ZBTB20: variants seen among roughly 807,000 people sequenced by gnomAD.
ZBTB20 encodes zinc finger and BTB domain containing 20, also known as zinc finger and BTB domain-containing protein 20.
In ZBTB20, 9 loss-of-function variants were observed where a neutral mutation model predicts 56.9. The ratio of observed to expected loss-of-function variants is 0.16; its 90% CI spans 0.10 to 0.28. The LOEUF is 0.28. Among genes scored for constraint, ZBTB20 ranks in the 10% least tolerant of loss-of-function variants. ZBTB20 has a pLI of 1.00. For missense variants in ZBTB20, 655 were observed against 1,003.0 expected (o/e 0.65, Z 4.69); for synonymous variants, 417 against 420.7 (o/e 0.99, Z 0.11).
chr3:114,367,780 GA>G (rs5851923), intron 10 of ZBTB20, among the ~76,000 whole-genome samples: 9 of 150,378 alleles, frequency 6.0e-5, no homozygotes, highest in African/African-American at 1.2e-4. Flanking sequence ...TCATTTTTAG[GA>G]AAAAAAAACA....
At chr3:114,756,299 A>G (rs1442660626) in intron 5 of ZBTB20, among the ~76,000 whole-genome samples, 1 of 152,192 alleles carries the variant, frequency 6.6e-6, no homozygotes, top group Non-Finnish European at 1.5e-5. Context: ...ACTTGACTGC[A>G]GCACTTCCAT....
intron 4 of ZBTB20, among the ~76,000 whole-genome samples, chr3:114,846,086 T>C (rs1475945596): frequency 6.6e-6 from 1 of 152,168 alleles, no homozygotes; most frequent in Non-Finnish European, 1.5e-5. Context: ...GAGATATGTA[T>C]GTTAGAGACA....
At chr3:115,068,402 GAC>G (rs1466806618) in intron 2 of ZBTB20, among the ~76,000 whole-genome samples, 1 of 151,942 alleles carries the variant, frequency 6.6e-6, no homozygotes, top group African/African-American at 2.4e-5. Flanking sequence ...ACAAAATGAT[GAC>G]ACACAGCAGA....
In ZBTB20 at chr3:114,633,378, T is replaced by G. The variant is rs528388476; in HGVS notation, c.-295+60150A>C. ...TGTATCACAGCTTGCACAGCACATT[T>G]CTTGCTGCATACATTCTATTCTTTC... On this transcript the variant is annotated intron_variant, in intron 6 of 11. Transcript: ENST00000675478. Among the ~76,000 whole-genome samples, 29 of 152,358 alleles carry G rather than the reference T, an allele frequency of 1.9e-4. No individual in the cohort carries two copies. In the South Asian group the frequency reaches 5.2e-3, roughly 27 times the overall value.
chr3:114,824,473 T>C (rs1408976478), intron 4 of ZBTB20, among the ~76,000 whole-genome samples: 2 of 151,984 alleles, frequency 1.3e-5, no homozygotes, highest in East Asian at 3.9e-4. Context: ...CTTTTTTTAA[T>C]ATCATTAATT....
rs575879420 is a variant in ZBTB20, at chr3:114,742,370, C to T, written c.-342-48795G>A. On this transcript the variant is annotated intron_variant, in intron 5 of 11. Coordinates refer to ENST00000675478, the MANE Select transcript of ZBTB20 (RefSeq NM_001348800.3). ...ATATGGTGACAGACAAGTATCTATA[C>T]GAAATCCTGAGATATTTGTCCTCCA... Among the ~76,000 whole-genome samples the T allele has an allele frequency of 1.1e-4, 17 of 152,134 alleles. No homozygotes were observed. In the East Asian group the frequency reaches 1.2e-3, roughly 10 times the overall value.
At chr3:114,540,664 A>G (rs184467145) in intron 6 of ZBTB20, among the ~76,000 whole-genome samples, 10 of 152,218 alleles carry the variant, frequency 6.6e-5, no homozygotes, top group Admixed American at 6.6e-4. Context: ...TCTAAACGCT[A>G]ATCACTTCTC....
chr3:114,648,396 C>T (rs772142783), intron 6 of ZBTB20, among the ~76,000 whole-genome samples: 4 of 151,714 alleles, frequency 2.6e-5, no homozygotes, highest in African/African-American at 4.8e-5. Flanking sequence ...ACCAGATAAA[C>T]GAGAAGACAT....
At chr3:114,796,162 A>C (rs1215311481) in intron 5 of ZBTB20, among the ~76,000 whole-genome samples, 1 of 151,966 alleles carries the variant, frequency 6.6e-6, no homozygotes, top group Non-Finnish European at 1.5e-5. Flanking sequence ...TAAATTTGAT[A>C]GTTAGGGGAG....
chr3:114,486,994 AATTTT>A (rs2042219357), intron 7 of ZBTB20, among the ~76,000 whole-genome samples: 1 of 152,152 alleles, frequency 6.6e-6, no homozygotes, highest in Non-Finnish European at 1.5e-5. Flanking sequence ...AAAAACTCTT[AATTTT>A]ATCACTGCAA....
At chr3:114,357,756 A>G (rs2081401406) in intron 10 of ZBTB20, among the ~76,000 whole-genome samples, 1 of 152,192 alleles carries the variant, frequency 6.6e-6, no homozygotes, top group Non-Finnish European at 1.5e-5. Context: ...TCTAAAACTG[A>G]TGCAAACTTT....
chr3:114,810,080 T>C (rs1004413592), intron 4 of ZBTB20, among the ~76,000 whole-genome samples: 6 of 151,036 alleles, frequency 4.0e-5, no homozygotes, highest in Admixed American at 6.6e-5. Context: ...CTAATTGATA[T>C]ATACGTGTGT....
intron 5 of ZBTB20, among the ~76,000 whole-genome samples, chr3:114,769,279 T>C (rs992532352): frequency 7.9e-5 from 12 of 151,990 alleles, no homozygotes; most frequent in African/African-American, 2.9e-4. Flanking sequence ...CTACATATTA[T>C]AGCAGCACAA....
chr3:115,145,373 G>A (rs1257061274), intron 1 of ZBTB20, among the ~76,000 whole-genome samples: 1 of 152,070 alleles, frequency 6.6e-6, no homozygotes, highest in Non-Finnish European at 1.5e-5. Flanking sequence ...ATTGGTTCTG[G>A]GACCTCTCTA....
chr3:114,938,829 A>G (rs1334595718), intron 3 of ZBTB20, among the ~76,000 whole-genome samples: 2 of 146,114 alleles, frequency 1.4e-5, no homozygotes, highest in Non-Finnish European at 1.5e-5. Context: ...TAATAAAAAA[A>G]AAATTCTAGA....
intron 2 of ZBTB20, among the ~76,000 whole-genome samples, chr3:114,988,291 C>G (rs2078642462): frequency 6.8e-6 from 1 of 147,776 alleles, no homozygotes; most frequent in African/African-American, 2.5e-5. Flanking sequence ...TGATGTTCCC[C>G]TTCCGGTGTC....
chr3:114,941,823 T>G (rs905078665), intron 3 of ZBTB20, among the ~76,000 whole-genome samples: 1 of 146,192 alleles, frequency 6.8e-6, no homozygotes, highest in Non-Finnish European at 1.5e-5. Flanking sequence ...TTTCCAGTAT[T>G]GCATCTCCTA....
At chr3:115,020,926 T>C (rs982818051) in intron 2 of ZBTB20, among the ~76,000 whole-genome samples, 4 of 150,996 alleles carry the variant, frequency 2.6e-5, no homozygotes, top group African/African-American at 9.7e-5. Flanking sequence ...AGAACATTAT[T>C]GCTATGGTAT....
chr3:115,075,303 G>T (rs1377383482), intron 1 of ZBTB20, among the ~76,000 whole-genome samples: 2 of 151,896 alleles, frequency 1.3e-5, no homozygotes, highest in African/African-American at 4.8e-5. Flanking sequence ...TCAGCCCTTG[G>T]CAACCACCAT....
Sources: allele counts gnomAD v4.1 joint callset (sites outside exome capture counted in the v4.1 genomes callset), GRCh38; gene constraint gnomAD v4.1.1; transcripts MANE v1.5; gene names NCBI Gene and HGNC (gene_info 2026-07-23, HGNC 2026-07-21).